Variants in CNTNAP2 observed in about 807,000 individuals in gnomAD.
The protein encoded by CNTNAP2 is contactin-associated protein-like 2.
A neutral mutation model predicts 155.2 loss-of-function variants in CNTNAP2; 98 were observed. The ratio of observed to expected loss-of-function variants is 0.63; its 90% CI spans 0.54 to 0.75. CNTNAP2 has a LOEUF of 0.75. Among genes scored for constraint, CNTNAP2 ranks in the 30% least tolerant of loss-of-function variants. CNTNAP2 has a pLI of 0.00. For missense variants in CNTNAP2, 1,727 were observed against 1,688.1 expected (o/e 1.02, Z -0.40); for synonymous variants, 651 against 631.2 (o/e 1.03, Z -0.47).
chr7:147,555,561 C>A (rs762935695), intron 11 of CNTNAP2, among the ~76,000 whole-genome samples: 25 of 152,184 alleles, frequency 1.6e-4, no homozygotes, highest in Non-Finnish European at 2.6e-4. Flanking sequence ...TTATTTCATG[C>A]TTTTTCCCAG....
At chr7:147,841,401 G>C (rs182957329) in intron 13 of CNTNAP2, among the ~76,000 whole-genome samples, 1 of 152,168 alleles carries the variant, frequency 6.6e-6, no homozygotes, top group African/African-American at 2.4e-5. Context: ...GAACTGACTA[G>C]ATAAAATGTC....
chr7:147,716,632 A>G (rs1418549096), intron 13 of CNTNAP2, among the ~76,000 whole-genome samples: 1 of 152,084 alleles, frequency 6.6e-6, no homozygotes, highest in African/African-American at 2.4e-5. Flanking sequence ...GCCCTTTTCT[A>G]TTGACGCAGC....
intron 8 of CNTNAP2, among the ~76,000 whole-genome samples, chr7:147,206,421 G>A (rs573610966): frequency 6.6e-6 from 1 of 152,170 alleles, no homozygotes; most frequent in African/African-American, 2.4e-5. Flanking sequence ...AATTTAGCCA[G>A]GCATGGTGGT....
At chr7:147,805,125 G>A (rs1306152479) in intron 13 of CNTNAP2, among the ~76,000 whole-genome samples, 1 of 150,526 alleles carries the variant, frequency 6.6e-6, no homozygotes, top group Non-Finnish European at 1.5e-5. Context: ...AGGCTAGAGT[G>A]CAATGGTGTG....
intron 9 of CNTNAP2, among the ~76,000 whole-genome samples, chr7:147,327,600 T>C (rs1288924994): frequency 6.6e-6 from 1 of 152,226 alleles, no homozygotes; most frequent in Non-Finnish European, 1.5e-5. Context: ...GGGAAAGCTG[T>C]TCTGCATTCC....
intron 13 of CNTNAP2, among the ~76,000 whole-genome samples, chr7:147,791,255 C>T (rs1161054153): frequency 6.6e-6 from 1 of 151,978 alleles, no homozygotes; most frequent in Non-Finnish European, 1.5e-5. Context: ...TTTTTCCCTT[C>T]CATTTCTTTC....
At chr7:146,892,277 G>A (rs900410816) in intron 3 of CNTNAP2, among the ~76,000 whole-genome samples, 22 of 152,116 alleles carry the variant, frequency 1.4e-4, no homozygotes, top group Admixed American at 1.3e-3. Context: ...ACAGCACAGT[G>A]CCTGATCCCA....
At chr7:146,402,059 G>A (rs1795722244) in intron 1 of CNTNAP2, among the ~76,000 whole-genome samples, 1 of 152,282 alleles carries the variant, frequency 6.6e-6, no homozygotes, top group Admixed American at 6.5e-5. Context: ...TATATGTAGA[G>A]ATGAATTTTC....
intron 15 of CNTNAP2, among the ~76,000 whole-genome samples, chr7:148,010,471 T>G (rs1238916158): frequency 6.6e-6 from 1 of 151,942 alleles, no homozygotes; most frequent in Non-Finnish European, 1.5e-5. Flanking sequence ...GATGTCTTTT[T>G]TCTTTTAAAA....
intron 21 of CNTNAP2, among the ~76,000 whole-genome samples, chr7:148,296,334 G>C (rs1187354822): frequency 1.3e-5 from 2 of 151,866 alleles, no homozygotes; most frequent in African/African-American, 2.4e-5. Flanking sequence ...TCAGGAGTTT[G>C]AGACCAGCCT....
intron 3 of CNTNAP2, among the ~76,000 whole-genome samples, chr7:146,920,414 T>A (rs933159669): frequency 2.8e-5 from 4 of 144,544 alleles, no homozygotes; most frequent in Non-Finnish European, 6.1e-5. Flanking sequence ...GAAACTCCAT[T>A]AAAAAAAAAA....
intron 3 of CNTNAP2, among the ~76,000 whole-genome samples, chr7:146,947,806 T>A (rs766239645): frequency 3.3e-5 from 5 of 151,584 alleles, no homozygotes; most frequent in Middle Eastern, 6.9e-3. Flanking sequence ...CTCAGGAGAC[T>A]GAGGTGGGAG....
intron 3 of CNTNAP2, among the ~76,000 whole-genome samples, chr7:147,007,150 G>A (rs574731350): frequency 6.6e-6 from 1 of 152,202 alleles, no homozygotes; most frequent in East Asian, 1.9e-4. Flanking sequence ...TGAGCAAAAT[G>A]TTACCTTTAG....
At chr7:147,052,468 C>A (rs374723063) in intron 4 of CNTNAP2, among the ~76,000 whole-genome samples, 2 of 151,994 alleles carry the variant, frequency 1.3e-5, no homozygotes, top group African/African-American at 4.8e-5. Context: ...ATTGGTGGAA[C>A]AGGGCATGAT....
At chr7:146,824,119 G>A (rs1043414514) in intron 2 of CNTNAP2, among the ~76,000 whole-genome samples, 1 of 152,056 alleles carries the variant, frequency 6.6e-6, no homozygotes, top group Admixed American at 6.6e-5. Flanking sequence ...TCCCACTTAT[G>A]AGTGAGAACA....
chr7:148,105,072 C>A (rs748669087), intron 15 of CNTNAP2, among the ~76,000 whole-genome samples: 6 of 152,202 alleles, frequency 3.9e-5, no homozygotes, highest in Non-Finnish European at 5.9e-5. Flanking sequence ...ACAATCTCTG[C>A]TCTCTGAAAT....
intron 1 of CNTNAP2, among the ~76,000 whole-genome samples, chr7:146,230,846 C>T (rs1476486287): frequency 6.6e-6 from 1 of 152,028 alleles, no homozygotes; most frequent in Non-Finnish European, 1.5e-5. Flanking sequence ...GAAACCCTGT[C>T]TCTACTAACA....
At chr7:147,502,447 C>G (rs1798832262) in intron 11 of CNTNAP2, among the ~76,000 whole-genome samples, 2 of 151,956 alleles carry the variant, frequency 1.3e-5, no homozygotes, top group Admixed American at 1.3e-4. Flanking sequence ...AATGAAATGT[C>G]AAACTCACAG....
chr7:147,925,135 A>G (rs1170830276), intron 14 of CNTNAP2, among the ~76,000 whole-genome samples: 8 of 77,922 alleles, frequency 1.0e-4, no homozygotes, highest in East Asian at 4.5e-4. Context: ...AGAAAGAGAG[A>G]AGAGAGAGAG....
Sources: allele counts gnomAD v4.1 joint callset (sites outside exome capture counted in the v4.1 genomes callset), GRCh38; gene constraint gnomAD v4.1.1; transcripts MANE v1.5; gene names NCBI Gene and HGNC (gene_info 2026-07-23, HGNC 2026-07-21).